The following CFAP47 variants were observed in gnomAD, a reference collection of about 807,000 sequenced individuals.
The protein encoded by CFAP47 is cilia and flagella associated protein 47, also known as cilia- and flagella-associated protein 47.
In CFAP47, 29 loss-of-function variants were observed where a neutral mutation model predicts 148.1. That is an observed-to-expected ratio of 0.20 (90% confidence interval 0.15 to 0.27). The LOEUF is 0.27. CFAP47 is among the 10% of genes least tolerant of loss of function. CFAP47 has a pLI of 1.00. For synonymous variants in CFAP47, 664 were observed against 577.3 expected (o/e 1.15, Z -2.15); for missense variants, 1,872 against 1,697.5 (o/e 1.10, Z -1.81).
chrX:36,152,950 G>T (rs990785696), intron 37 of CFAP47, among the ~76,000 whole-genome samples: 1 of 110,931 alleles, frequency 9.0e-6, no homozygotes, highest in African/African-American at 3.3e-5. Context: ...CTTGCCTGAA[G>T]AATATATTCA....
At chrX:36,155,695 C>A (rs139617702) in intron 37 of CFAP47, among the ~76,000 whole-genome samples, 534 of 111,090 alleles carry the variant, frequency 4.8e-3, no homozygotes, top group Non-Finnish European at 8.7e-3. Context: ...CCTCAGTTTC[C>A]TTATTTGAAA....
At chrX:36,104,401 C>T in intron 32 of CFAP47, 98 bp from the exon 33 acceptor site, 1 of 375,425 alleles carries the variant, frequency 2.7e-6, no homozygotes. Flanking sequence ...CTAGTGCCCT[C>T]TTTAATCTCC....
intron 37 of CFAP47, among the ~76,000 whole-genome samples, 157 bp from the exon 38 acceptor site, chrX:36,159,269 G>A (rs987575630): frequency 2.7e-5 from 3 of 112,065 alleles, no homozygotes; most frequent in East Asian, 5.6e-4. Flanking sequence ...TAGCTTAACC[G>A]ATGACAATAA....
chrX:36,065,556 A>T, intron 26 of CFAP47, 87 bp from the exon 27 acceptor site: 1 of 509,756 alleles, frequency 2.0e-6, no homozygotes, highest in Non-Finnish European at 3.4e-6. Flanking sequence ...TGTCTTCATC[A>T]TTAAGGGCAT....
chrX:36,112,699 G>C (rs1267684333), intron 33 of CFAP47, among the ~76,000 whole-genome samples: 1 of 111,401 alleles, frequency 9.0e-6, no homozygotes, highest in Non-Finnish European at 1.9e-5. Context: ...CTACTAGTAA[G>C]TTGTTAACAT....
At position 36,321,100 on chromosome X, in the gene CFAP47, C is replaced by A. The variant is rs192124656; in HGVS notation, c.8443+1793C>A. The stretch of plus-strand genomic sequence containing the variant: ...CCTCCATGTTTATTGCAGCACTATT[C>A]ACAATAGCCCAGATTTGGAAGTAAC... On this transcript the variant is annotated intron_variant, in intron 57 of 63. Transcript: ENST00000378653. Among the ~76,000 whole-genome samples, 220 of 111,704 alleles carry A rather than the reference C, an allele frequency of 2.0e-3. 1 individual carries two copies. The highest frequency in any genetic ancestry group is 6.8e-3 in the African/African-American group (209 of 30,787).
chrX:36,342,639 G>A (rs1277660468), intron 57 of CFAP47, among the ~76,000 whole-genome samples: 2 of 111,235 alleles, frequency 1.8e-5, no homozygotes, highest in African/African-American at 6.5e-5. Flanking sequence ...TTGATAATTA[G>A]TTCCATATTA....
At chrX:36,309,806 T>C (rs1941379054) in intron 55 of CFAP47, among the ~76,000 whole-genome samples, 1 of 111,553 alleles carries the variant, frequency 9.0e-6, no homozygotes, top group Non-Finnish European at 1.9e-5. Context: ...TGCTTGACTT[T>C]AAACAGTCAA....
intron 21 of CFAP47, among the ~76,000 whole-genome samples, chrX:36,012,984 C>CT (rs1297140982): frequency 4.6e-4 from 48 of 104,170 alleles, no homozygotes; most frequent in Admixed American, 5.2e-4. Flanking sequence ...TTTAAGTTGT[C>CT]TTTTTTTTTT....
In CFAP47 at chrX:36,107,780, A is replaced by G. The variant is rs145640578; in HGVS notation, c.5320+3089A>G. On this transcript the variant is annotated intron_variant, in intron 33 of 63. Coordinates refer to ENST00000378653, the MANE Select transcript of CFAP47 (RefSeq NM_001304548.2). Reference sequence around the variant, plus strand: ...TTTCCTTCATTTATTACCATATATAACATTCTTTCTTTTTGCCACATTACT... The same window carrying G: ...TTTCCTTCATTTATTACCATATATAGCATTCTTTCTTTTTGCCACATTACT... 4.5e-5 allele frequency among the ~76,000 whole-genome samples: 5 copies of G among 111,621 alleles called. No homozygotes were observed. The East Asian group carries it at 1.4e-3, about 31-fold the overall frequency.
chrX:36,022,173 C>G (rs899763896), intron 22 of CFAP47: 1 of 111,729 alleles, frequency 9.0e-6, no homozygotes, highest in African/African-American at 3.3e-5. Flanking sequence ...TGGTGTTGAT[C>G]AAATCCCTTA....
intron 49 of CFAP47, among the ~76,000 whole-genome samples, chrX:36,278,998 T>C (rs6527549): frequency 0.23 from 25,958 of 110,562 alleles, 2,566 homozygotes; most frequent in African/African-American, 0.36. Context: ...CTGTATTGCC[T>C]GTCAACACAC....
chrX:36,071,929 A>G lies in CFAP47; in HGVS notation c.4423A>G (p.Lys1475Glu). The change falls in exon 28 of 64, where the codon AAA becomes GAA. Residue 1475 changes from lysine to glutamate, a missense_variant. By Grantham distance (56) the Lys-to-Glu change is moderately conservative (BLOSUM62 1). Coordinates refer to ENST00000378653, the MANE Select transcript of CFAP47 (RefSeq NM_001304548.2). ...AATTAAAAAGACATACACCACTAGC[A>G]AATTCAATGATGCTGAACCTGCAAA... Reference protein sequence around the residue: ...ASIKKTYTTSKFNDAEPAKGN... With the variant: ...ASIKKTYTTSEFNDAEPAKGN... 1 of 1,209,229 alleles carries G rather than the reference A, an allele frequency of 8.3e-7. No individual in the cohort carries two copies. The highest frequency in any genetic ancestry group is 1.1e-6 in the Non-Finnish European group (1 of 893,885).
intron 45 of CFAP47, among the ~76,000 whole-genome samples, chrX:36,221,300 A>T (rs2146895717): frequency 1.8e-5 from 2 of 111,960 alleles, no homozygotes; most frequent in South Asian, 7.3e-4. Context: ...AAGTTCTTAC[A>T]TTTTAGGGAC....
intron 25 of CFAP47, among the ~76,000 whole-genome samples, chrX:36,040,689 A>G (rs1054561887): frequency 8.9e-5 from 10 of 111,897 alleles, no homozygotes; most frequent in Non-Finnish European, 1.9e-4. Context: ...AAAAAATTCT[A>G]CAGAGTGAAA....
intron 21 of CFAP47, among the ~76,000 whole-genome samples, chrX:36,003,924 G>A (rs1341006339): frequency 1.9e-5 from 2 of 107,388 alleles, no homozygotes; most frequent in Non-Finnish European, 3.8e-5. Flanking sequence ...AAAGCTGGAG[G>A]ATACAAAGTC....
chrX:36,275,659 T>C (rs782757355), intron 49 of CFAP47, among the ~76,000 whole-genome samples: 38 of 111,158 alleles, frequency 3.4e-4, no homozygotes, highest in African/African-American at 1.2e-3. Context: ...TTTTCTTTTC[T>C]TGTAGTGTCT....
intron 50 of CFAP47, among the ~76,000 whole-genome samples, chrX:36,283,182 C>G (rs1433396835): frequency 1.8e-5 from 2 of 111,408 alleles, no homozygotes; most frequent in African/African-American, 6.5e-5. Flanking sequence ...CTTTCATTTT[C>G]ATACTATTCA....
intron 2 of CFAP47, among the ~76,000 whole-genome samples, chrX:35,937,742 G>A (rs1191982350): frequency 2.9e-5 from 3 of 103,937 alleles, no homozygotes; most frequent in African/African-American, 1.1e-4. Flanking sequence ...CTCCCTAATG[G>A]CATGACTGGA....
Sources: allele counts gnomAD v4.1 joint callset (sites outside exome capture counted in the v4.1 genomes callset), GRCh38; gene constraint gnomAD v4.1.1; transcripts MANE v1.5; gene names NCBI Gene and HGNC (gene_info 2026-07-23, HGNC 2026-07-21).